The following PARD3B variants were observed in gnomAD, a reference collection of about 807,000 sequenced individuals.
The protein encoded by PARD3B is par-3 family cell polarity regulator beta, also known as partitioning defective 3 homolog B.
A neutral mutation model predicts 130.2 loss-of-function variants in PARD3B; 103 were observed. The observed-to-expected ratio is 0.79, with a 90% CI of 0.67 to 0.93. The LOEUF (loss-of-function observed/expected upper bound fraction) is 0.93. Ranked by LOEUF, PARD3B falls within the 40% of genes least tolerant of loss-of-function variation. PARD3B has a pLI of 0.00. For synonymous variants in PARD3B, 583 were observed against 553.2 expected (o/e 1.05, Z -0.76); for missense variants, 1,609 against 1,499.2 (o/e 1.07, Z -1.21).
rs2052618058 is a variant in PARD3B at position 205,550,977 on chromosome 2, A to ATATATATATATATG, written c.3181-2347_3181-2346insTATATATATATATG. On this transcript the variant is annotated intron_variant, in intron 21 of 22. Transcript: ENST00000406610. The surrounding 1 kb of genome is among the most constrained non-coding windows in gnomAD (Gnocchi z 4.5). ...TGTGTATATATATATATATATATAT[A>ATATATATATATATG]CACACACACACACACACACACACAC... 1.4e-5 allele frequency among the ~76,000 whole-genome samples: 1 copy of ATATATATATATATG among 71,516 alleles called. No individual in the cohort carries two copies. Among genetic ancestry groups the ATATATATATATATG allele is most frequent in the African/African-American group, 5.9e-5 (1 of 16,900 alleles). The allele number at this position is 71,516 out of a possible 152,430, so 46.9% of individuals were successfully genotyped here. A position where few individuals can be genotyped will look rare whatever the true frequency, so the allele number is the denominator to read the frequency against.
chr2:205,415,577 T>C (rs1175030906), intron 19 of PARD3B, among the ~76,000 whole-genome samples: 2 of 152,174 alleles, frequency 1.3e-5, no homozygotes, highest in African/African-American at 4.8e-5. Flanking sequence ...ATTCATCCCA[T>C]TGAATGAAAA....
intron 16 of PARD3B, among the ~76,000 whole-genome samples, chr2:205,283,105 C>T (rs537244239): frequency 1.2e-4 from 18 of 152,298 alleles, no homozygotes; most frequent in African/African-American, 4.1e-4. Context: ...CAGCAAATGG[C>T]TGCTCCGCTC....
At position 205,230,822 on chromosome 2, in the gene PARD3B, C is replaced by G. The variant is rs1343113655; in HGVS notation, c.2141-14956C>G. Among the ~76,000 whole-genome samples the G allele has an allele frequency of 6.6e-6, 1 of 152,100 alleles. No homozygotes were observed. The highest frequency in any genetic ancestry group is 2.4e-5 in the African/African-American group (1 of 41,414). Reference sequence around the variant, plus strand: ...CTCAGGTTCTGACTGCTGGGATGGGCAATTTCCCTCTGGCTAGGGCTGGTC... The same window carrying G: ...CTCAGGTTCTGACTGCTGGGATGGGGAATTTCCCTCTGGCTAGGGCTGGTC... On this transcript the variant is annotated intron_variant, in intron 15 of 22. Coordinates refer to ENST00000406610, the MANE Select transcript of PARD3B (RefSeq NM_001302769.2). The surrounding 1 kb of genome is among the most constrained non-coding windows in gnomAD (Gnocchi z 4.1).
At chr2:205,380,519 A>C (rs373394409) in intron 18 of PARD3B, among the ~76,000 whole-genome samples, 721 of 32,178 alleles carry the variant, frequency 0.022, 174 homozygotes, top group African/African-American at 0.15. Flanking sequence ...ATAATATATA[A>C]AGAATATATA....
chr2:205,217,872 A>G (rs1280757241), intron 15 of PARD3B, among the ~76,000 whole-genome samples: 394 of 37,260 alleles, frequency 0.011, 3 homozygotes, highest in African/African-American at 0.036. Context: ...GTGTGTGTAT[A>G]TATATATATA....
At chr2:204,971,677 T>C (rs1691723583) in intron 3 of PARD3B, among the ~76,000 whole-genome samples, 2 of 151,954 alleles carry the variant, frequency 1.3e-5, no homozygotes, top group African/African-American at 4.8e-5. Flanking sequence ...TTAGCTATGG[T>C]AACCTTGCTA....
chr2:204,585,484 C>T (rs959038121), intron 1 of PARD3B, among the ~76,000 whole-genome samples: 1 of 151,786 alleles, frequency 6.6e-6, no homozygotes, highest in Non-Finnish European at 1.5e-5. Flanking sequence ...CAGGTGGATG[C>T]CACCATGCCT....
intron 18 of PARD3B, among the ~76,000 whole-genome samples, chr2:205,395,074 C>T (rs2045978686): frequency 6.6e-6 from 1 of 152,198 alleles, no homozygotes; most frequent in Admixed American, 6.5e-5. Context: ...CGACCTCTCA[C>T]TCTCTTTTCC....
chr2:205,057,112 A>C lies in PARD3B; in HGVS notation c.504+9422A>C, dbSNP rs561264818. ...TTTATTTAAAGGTTGTATAATTTGTAATTTGTCCACCGAGGTTCTCCTAGT... is the reference window on the plus strand; with the variant it reads ...TTTATTTAAAGGTTGTATAATTTGTCATTTGTCCACCGAGGTTCTCCTAGT... On this transcript the variant is annotated intron_variant, in intron 4 of 22. Coordinates refer to ENST00000406610, the MANE Select transcript of PARD3B (RefSeq NM_001302769.2). Among the ~76,000 whole-genome samples, 3 of 151,684 alleles carry C rather than the reference A, an allele frequency of 2.0e-5. No individual in the cohort carries two copies. The East Asian group carries it at 5.8e-4, about 29-fold the overall frequency.
chr2:204,931,972 T>G (rs900445911), intron 2 of PARD3B, among the ~76,000 whole-genome samples: 4 of 152,070 alleles, frequency 2.6e-5, no homozygotes, highest in East Asian at 3.9e-4. Context: ...GCAAAATTCT[T>G]AAGACATTTG....
At chr2:205,313,051 G>C (rs1044903256) in intron 18 of PARD3B, among the ~76,000 whole-genome samples, 1 of 152,184 alleles carries the variant, frequency 6.6e-6, no homozygotes, top group Non-Finnish European at 1.5e-5. Context: ...TGGATAGATT[G>C]TGAACATGAG....
intron 6 of PARD3B, among the ~76,000 whole-genome samples, chr2:205,117,445 G>A (rs190004005): frequency 6.6e-6 from 1 of 152,278 alleles, no homozygotes; most frequent in Admixed American, 6.5e-5. Context: ...TCACTGCCAT[G>A]CCTGTTGAGG....
chr2:204,619,509 G>A (rs1043423668), intron 1 of PARD3B, among the ~76,000 whole-genome samples: 3 of 152,130 alleles, frequency 2.0e-5, no homozygotes, highest in African/African-American at 7.2e-5. Flanking sequence ...ACAAAAATAA[G>A]AGCAAAAGAG....
chr2:205,331,705 C>T (rs941237472), intron 18 of PARD3B, among the ~76,000 whole-genome samples: 44 of 136,338 alleles, frequency 3.2e-4, no homozygotes, highest in African/African-American at 1.1e-3. Flanking sequence ...ATTGCTTGAA[C>T]CCAGGCAGCG....
intron 21 of PARD3B, among the ~76,000 whole-genome samples, chr2:205,512,378 G>A (rs993395745): frequency 1.3e-5 from 2 of 152,150 alleles, no homozygotes; most frequent in African/African-American, 4.8e-5. Context: ...ATAAACCACT[G>A]AGAAATAGTC....
At chr2:205,071,604 G>A (rs1213830059) in intron 4 of PARD3B, among the ~76,000 whole-genome samples, 1 of 152,144 alleles carries the variant, frequency 6.6e-6, no homozygotes, top group Non-Finnish European at 1.5e-5. Flanking sequence ...ATTCTACAAT[G>A]TAAATGTTTT....
chr2:204,748,112 A>G (rs2040317937), intron 2 of PARD3B, among the ~76,000 whole-genome samples: 1 of 152,106 alleles, frequency 6.6e-6, no homozygotes, highest in South Asian at 2.1e-4. Flanking sequence ...ATGTAGGCAA[A>G]TAAAATTCTG....
At chr2:205,362,016 A>C (rs4673328) in intron 18 of PARD3B, among the ~76,000 whole-genome samples, 90,894 of 151,654 alleles carry the variant, frequency 0.6, 30,501 homozygotes, top group South Asian at 0.77. Context: ...TTTTAGATTC[A>C]AACAGCTAGA....
At chr2:204,845,148 T>G (rs1385910700) in intron 2 of PARD3B, among the ~76,000 whole-genome samples, 1 of 152,120 alleles carries the variant, frequency 6.6e-6, no homozygotes, top group Non-Finnish European at 1.5e-5. Context: ...TAGAGGACAG[T>G]CTGACAGGTG....
Sources: allele counts gnomAD v4.1 joint callset (sites outside exome capture counted in the v4.1 genomes callset), GRCh38; gene constraint gnomAD v4.1.1; non-coding constraint Gnocchi (gnomAD v3.1); transcripts MANE v1.5; gene names NCBI Gene and HGNC (gene_info 2026-07-23, HGNC 2026-07-21).